Variants in TNIP3 observed in about 807,000 individuals in gnomAD.
TNIP3 encodes TNFAIP3 interacting protein 3.
A neutral mutation model predicts 54.1 loss-of-function variants in TNIP3; 34 were observed. The observed-to-expected ratio is 0.63, with a 90% CI of 0.48 to 0.84. The LOEUF is 0.84. Among genes scored for constraint, TNIP3 ranks in the 40% least tolerant of loss-of-function variants. The probability of loss-of-function intolerance (pLI) is 0.00; values close to 1 mark genes in which losing one functional copy is unlikely to be tolerated. For synonymous variants in TNIP3, 134 were observed against 136.8 expected, an observed-to-expected ratio of 0.98 and a Z score of 0.14; for missense variants, 366 against 387.6, an observed-to-expected ratio of 0.94 and a Z score of 0.47.
intron 6 of TNIP3, among the ~76,000 whole-genome samples, chr4:121,148,893 A>G (rs1275763419): frequency 6.6e-6 from 1 of 152,212 alleles, no homozygotes; most frequent in Admixed American, 6.5e-5. Flanking sequence ...CAGAAAAATA[A>G]TGCTTTCCAG....
chr4:121,163,777 T>C (rs1730599409), intron 1 of TNIP3, among the ~76,000 whole-genome samples: 1 of 152,206 alleles, frequency 6.6e-6, no homozygotes, highest in South Asian at 2.1e-4. Context: ...ACCAATATAG[T>C]ATTCTTTTAA....
chr4:121,162,574 G>A (rs1730518010), intron 1 of TNIP3, among the ~76,000 whole-genome samples: 1 of 152,198 alleles, frequency 6.6e-6, no homozygotes, highest in Non-Finnish European at 1.5e-5. Context: ...TAACTATTAA[G>A]CATCTTTGAT....
At chr4:121,186,101 T>A (rs1312282224) in intron 2 of TNIP3, among the ~76,000 whole-genome samples, 33 of 152,128 alleles carry the variant, frequency 2.2e-4, no homozygotes, top group Admixed American at 2.1e-3. Flanking sequence ...ATGAGGATAG[T>A]GGTTTTCTGG....
intron 1 of TNIP3, among the ~76,000 whole-genome samples, 153 bp downstream of exon 1, chr4:121,163,907 T>C (rs192489549): frequency 1.3e-3 from 195 of 152,318 alleles, no homozygotes; most frequent in African/African-American, 4.5e-3. Flanking sequence ...TTTTTTTCTA[T>C]GTTACATAAT....
chr4:121,160,999 A>G (rs1235767658), intron 2 of TNIP3, 137 bp downstream of exon 2: 2 of 698,200 alleles, frequency 2.9e-6, no homozygotes, highest in Non-Finnish European at 4.8e-6. Flanking sequence ...GTTTGCTTTC[A>G]AAATAGTGCA....
intron 2 of TNIP3, among the ~76,000 whole-genome samples, chr4:121,205,121 T>C (rs1726109141): frequency 6.6e-6 from 1 of 152,120 alleles, no homozygotes; most frequent in Non-Finnish European, 1.5e-5. Context: ...GCAATGTAAG[T>C]GGAATCAGGG....
At chr4:121,155,351 G>GA (rs1560651697) in intron 4 of TNIP3, among the ~76,000 whole-genome samples, 1 of 152,034 alleles carries the variant, frequency 6.6e-6, no homozygotes, top group African/African-American at 2.4e-5. Flanking sequence ...GTCTTAAAAA[G>GA]AAAAAACTCT....
chr4:121,214,656 C>T (rs1237194872), intron 2 of TNIP3, among the ~76,000 whole-genome samples: 1 of 152,190 alleles, frequency 6.6e-6, no homozygotes, highest in African/African-American at 2.4e-5. Flanking sequence ...GCATATGCTT[C>T]TGCTACCAAA....
At chr4:121,158,633 G>A (rs1475366468) in intron 3 of TNIP3, 54 bp downstream of exon 3, 4 of 1,378,164 alleles carry the variant, frequency 2.9e-6, no homozygotes, top group East Asian at 2.3e-5. Flanking sequence ...CACACAATTG[G>A]CCCCACCAGG....
At chr4:121,184,984 T>C (rs2148828860) in intron 2 of TNIP3, among the ~76,000 whole-genome samples, 1 of 152,308 alleles carries the variant, frequency 6.6e-6, no homozygotes, top group Middle Eastern at 3.4e-3. Flanking sequence ...CTAGTCTAAA[T>C]GTTAAGCTCT....
upstream of TNIP3, among the ~76,000 whole-genome samples, chr4:121,167,228 C>A (rs1392672155): frequency 6.6e-6 from 1 of 151,960 alleles, no homozygotes; most frequent in Non-Finnish European, 1.5e-5. Context: ...ATGAAATGTA[C>A]ACACACATAC....
chr4:121,213,631 G>T (rs1305281564), intron 2 of TNIP3, among the ~76,000 whole-genome samples: 1 of 151,642 alleles, frequency 6.6e-6, no homozygotes, highest in East Asian at 1.9e-4. Context: ...GGAGGCTGAG[G>T]CAGGAGAATG....
At chr4:121,216,727 C>T (rs1726810624), upstream of TNIP3, 1 of 933,410 alleles carries the variant, frequency 1.1e-6, no homozygotes, top group African/African-American at 1.7e-5. Flanking sequence ...TAAACACAGG[C>T]TCAGTGAGTT....
At chr4:121,222,753 G>A (rs1727080245) in intron 1 of TNIP3, among the ~76,000 whole-genome samples, 1 of 149,678 alleles carries the variant, frequency 6.7e-6, no homozygotes, top group South Asian at 2.1e-4. Flanking sequence ...TTAATTGTTG[G>A]TTGTTCTGCT....
intron 10 of TNIP3, 89 bp from the exon 11 acceptor site, chr4:121,132,751 A>T: frequency 1.2e-5 from 13 of 1,065,622 alleles, no homozygotes; most frequent in East Asian, 2.6e-5. Flanking sequence ...AAGTTCCAGG[A>T]TGGCAAAAAA....
intron 7 of TNIP3, among the ~76,000 whole-genome samples, chr4:121,146,402 T>C (rs549502276): frequency 7.9e-5 from 12 of 152,368 alleles, no homozygotes; most frequent in African/African-American, 2.9e-4. Flanking sequence ...GCAGTTTGTT[T>C]TATTTTTTAA....
intron 5 of TNIP3, among the ~76,000 whole-genome samples, chr4:121,152,604 GC>G (rs1560648492): frequency 6.6e-6 from 1 of 152,082 alleles, no homozygotes; most frequent in Non-Finnish European, 1.5e-5. Flanking sequence ...CTTACTCTGA[GC>G]AAAGTCCTGT....
At position 121,132,337 on chromosome 4, in the gene TNIP3, CA is replaced by C. The variant is rs1421394503; in HGVS notation, c.*293del. ...AGAATCATTTTTGTGCATCCAACAG[CA>C]ATATGCTGAAGAGATTTTCAGGGAG... On this transcript the variant is annotated 3_prime_UTR_variant, in exon 11 of 11. Coordinates refer to ENST00000057513, the MANE Select transcript of TNIP3 (RefSeq NM_024873.6). 1 of 368,722 alleles carries C rather than the reference CA, an allele frequency of 2.7e-6. No individual in the cohort carries two copies. Among genetic ancestry groups the C allele is most frequent in the East Asian group, 4.6e-5 (1 of 21,524 alleles). The allele number at this position is 368,722 out of a possible 1,614,324, so 22.8% of individuals were successfully genotyped here.
chr4:121,218,342 G>T (rs1726888030), upstream of TNIP3, among the ~76,000 whole-genome samples: 2 of 152,044 alleles, frequency 1.3e-5, no homozygotes, highest in Non-Finnish European at 2.9e-5. Flanking sequence ...AGATGGAAAT[G>T]GTCTCAAAGA....
Sources: gnomAD v4.1 joint callset for allele counts (sites outside exome capture counted in the v4.1 genomes callset) on GRCh38, gnomAD v4.1.1 for gene constraint, MANE v1.5 for transcripts, NCBI Gene and HGNC (gene_info 2026-07-23, HGNC 2026-07-21) for gene names.